Variants in LAMTOR2 observed in about 807,000 individuals in gnomAD.
LAMTOR2 encodes the protein ragulator complex protein LAMTOR2.
In LAMTOR2, 4 loss-of-function variants were observed where a neutral mutation model predicts 15.8. The ratio of observed to expected loss-of-function variants is 0.25; its 90% confidence interval spans 0.12 to 0.58. The LOEUF is 0.58. Among genes scored for constraint, LAMTOR2 ranks in the 20% least tolerant of loss-of-function variants. The pLI is 0.91. For synonymous variants in LAMTOR2, 62 were observed against 64.1 expected, an observed-to-expected ratio of 0.97 and a Z score of 0.15; for missense variants, 100 against 161.0, an observed-to-expected ratio of 0.62 and a Z score of 2.05.
chr1:156,056,476 G>A (rs1647369145), intron 2 of LAMTOR2, among the ~76,000 whole-genome samples: 1 of 152,158 alleles, frequency 6.6e-6, no homozygotes, highest in South Asian at 2.1e-4. Context: ...CAAGCCATGT[G>A]GTTATCTGAG....
chr1:156,055,503 GTTGGAGGGGCAGGGACA>G lies in LAMTOR2; in HGVS notation c.231+79_231+95del. On this transcript the variant is annotated intron_variant, in intron 2 of 3. Transcript: ENST00000368305. This position sits in a 1 kb window ranked among gnomAD's most constrained non-coding sequence, Gnocchi z 4.8. ...GGCGACCTGGACCCCATCCTGGATG[GTTGGAGGGGCAGGGACA>G]GGATCTCCGGAAGATTACTAAGAGT... 1.9e-6 allele frequency: 3 copies of G among 1,545,278 alleles called. No homozygotes were observed. Among genetic ancestry groups the G allele is most frequent in the Non-Finnish European group, 2.7e-6 (3 of 1,119,914 alleles).
Position 156,055,462 on chromosome 1 carries a change from A to G in LAMTOR2, c.231+37A>G. ...GGAGCCAGACTTCCCCTGTCCCCCA[A>G]AGGGGATCCCAAGGGGGCGACCTGG... On this transcript the variant is annotated intron_variant, in intron 2 of 3. Transcript: ENST00000368305. This position sits in a 1 kb window ranked among gnomAD's most constrained non-coding sequence, Gnocchi z 4.8. 9.3e-6 allele frequency: 15 copies of G among 1,612,230 alleles called. No individual in the cohort carries two copies. The highest frequency in any genetic ancestry group is 1.1e-5 in the Non-Finnish European group (13 of 1,178,476).
chr1:156,058,342 G>A lies in LAMTOR2; in HGVS notation c.349G>A (p.Glu117Lys). The A allele has an allele frequency of 6.2e-7, 1 of 1,614,094 alleles. No individual in the cohort carries two copies. Among genetic ancestry groups the A allele is most frequent in the Non-Finnish European group, 8.5e-7 (1 of 1,180,010 alleles). The change falls in exon 4 of 4, where the codon GAG becomes AAG. Residue 117 changes from glutamate to lysine, a missense_variant. Physicochemically the swap from Glu to Lys is moderately conservative, Grantham distance 56 (BLOSUM62 1). Transcript: ENST00000368305. ...KAQALVQYLE[E>K]PLTQVAAS The stretch of plus-strand genomic sequence containing the variant: ...CCAGGCTTTGGTGCAGTACCTGGAG[G>A]AGCCCCTCACCCAAGTGGCGGCATC...
At chr1:156,058,108 T>A in intron 3 of LAMTOR2, 41 bp downstream of exon 3, 1 of 1,590,688 alleles carries the variant, frequency 6.3e-7, no homozygotes, top group South Asian at 1.1e-5. Context: ...GGGCCCAGCC[T>A]TCGTGCTTCT....
intron 2 of LAMTOR2, among the ~76,000 whole-genome samples, chr1:156,057,273 A>G (rs552051415): frequency 6.6e-6 from 1 of 151,866 alleles, no homozygotes; most frequent in African/African-American, 2.4e-5. Flanking sequence ...CTGGAGGATT[A>G]TCTGAGGCCA....
chr1:156,058,207 G>T, intron 3 of LAMTOR2, 108 bp from the exon 4 acceptor site: 1 of 1,525,034 alleles, frequency 6.6e-7, no homozygotes. Context: ...CCCAAGAGCA[G>T]GTGGGGGTTG....
In LAMTOR2 at chr1:156,055,043, A is replaced by T. The variant is rs371745826; in HGVS notation, c.68+86A>T. 4.1e-6 allele frequency: 6 copies of T among 1,468,064 alleles called. No individual in the cohort carries two copies. The highest frequency in any genetic ancestry group is 2.8e-5 in the African/African-American group (2 of 71,716). 90.9% of individuals were successfully genotyped at this position (1,468,064 alleles called of 1,614,324 possible). ...GAGGGAGGGGTGGGGAAGGATCACCAGGAAGGGAGGAAGCGGCAGAGGGGG... is the reference window on the plus strand; with the variant it reads ...GAGGGAGGGGTGGGGAAGGATCACCTGGAAGGGAGGAAGCGGCAGAGGGGG... On this transcript the variant is annotated intron_variant, in intron 1 of 3. Coordinates refer to ENST00000368305, the MANE Select transcript of LAMTOR2 (RefSeq NM_014017.4). This position sits in a 1 kb window ranked among gnomAD's most constrained non-coding sequence, Gnocchi z 4.8.
At chr1:156,056,291 T>G (rs1647362931) in intron 2 of LAMTOR2, among the ~76,000 whole-genome samples, 1 of 152,200 alleles carries the variant, frequency 6.6e-6, no homozygotes, top group African/African-American at 2.4e-5. Flanking sequence ...CGTGAGTCAC[T>G]GTGCCTGGCC....
Position 156,055,090 on chromosome 1 carries a change from G to A in LAMTOR2, c.68+133G>A. 2.2e-6 allele frequency: 3 copies of A among 1,352,304 alleles called. No homozygotes were observed. The highest frequency in any genetic ancestry group is 3.2e-6 in the Non-Finnish European group (3 of 949,268). The allele number at this position is 1,352,304 out of a possible 1,614,324, so 83.8% of individuals were successfully genotyped here. A position where few individuals can be genotyped will look rare whatever the true frequency, so the allele number is the denominator to read the frequency against. On this transcript the variant is annotated intron_variant, in intron 1 of 3. Transcript: ENST00000368305. This position sits in a 1 kb window ranked among gnomAD's most constrained non-coding sequence, Gnocchi z 4.8. ...GGGGCAGCGGCTGGGGATACCGGCC[G>A]GGAGGTCCCCTGTCGAAAAGGGAAG...
chr1:156,055,254 C>CCT lies in LAMTOR2; in HGVS notation c.69-7_69-6dup, dbSNP rs1410363793. On this transcript the variant is annotated splice_polypyrimidine_tract_variant and intron_variant, in intron 1 of 3. Transcript: ENST00000368305. This position sits in a 1 kb window ranked among gnomAD's most constrained non-coding sequence, Gnocchi z 4.8. ...GAGCACATCGCTATCCCTCCCCGCC[C>CCT]CTCACCAGGCTGCTGAATAACGAGG... 1.2e-6 allele frequency: 2 copies of CCT among 1,613,624 alleles called. No homozygotes were observed. The highest frequency in any genetic ancestry group is 2.7e-5 in the African/African-American group (2 of 74,926).
In LAMTOR2 at chr1:156,058,353, C is replaced by T. The variant is rs760329495; in HGVS notation, c.360C>T (p.Thr120=). The T allele has an allele frequency of 3.7e-6, 6 of 1,614,022 alleles. No individual in the cohort carries two copies. The African/African-American group carries it at 8.0e-5, about 22-fold the overall frequency. The change falls in exon 4 of 4, where the codon ACC becomes ACT. Residue 120 remains threonine (T), a synonymous_variant. Transcript: ENST00000368305. Reference sequence around the variant, plus strand: ...TGCAGTACCTGGAGGAGCCCCTCACCCAAGTGGCGGCATCTTAACGGCATT... The same window carrying T: ...TGCAGTACCTGGAGGAGCCCCTCACTCAAGTGGCGGCATCTTAACGGCATT... The part of the protein sequence containing the change: ...ALVQYLEEPL[T]QVAAS
intron 2 of LAMTOR2, 23 bp from the exon 3 acceptor site, chr1:156,057,955 T>A: frequency 6.2e-7 from 1 of 1,610,492 alleles, no homozygotes; most frequent in South Asian, 1.1e-5. Flanking sequence ...GAACATCACA[T>A]CCCATCATAT....
rs763102917 is a variant in LAMTOR2, at chr1:156,058,317, C to T, written c.324C>T (p.Ala108=). The change falls in exon 4 of 4, where the codon GCC becomes GCT. Residue 108 remains alanine, a splice_region_variant and synonymous_variant. Transcript: ENST00000368305. The part of the protein sequence containing the change: ...TVGFGMLKAK[A]QALVQYLEEP... ...TGATCTCTGTTCTCCCTCTGCAGGC[C>T]CAGGCTTTGGTGCAGTACCTGGAGG... 2.5e-6 allele frequency: 4 copies of T among 1,614,098 alleles called. No homozygotes were observed. Among genetic ancestry groups the T allele is most frequent in the Non-Finnish European group, 3.4e-6 (4 of 1,180,006 alleles).
intron 2 of LAMTOR2, among the ~76,000 whole-genome samples, chr1:156,057,219 A>C (rs1282594907): frequency 6.6e-6 from 1 of 151,236 alleles, no homozygotes; most frequent in Non-Finnish European, 1.5e-5. Context: ...AAGGCTGAGC[A>C]CAGTGCCTCA....
rs1018618322 is a variant in LAMTOR2, at chr1:156,055,174, G to A, written c.69-89G>A. 11 of 1,559,128 alleles carry A rather than the reference G, an allele frequency of 7.1e-6. No individual in the cohort carries two copies. Among genetic ancestry groups the A allele is most frequent in the Non-Finnish European group, 9.7e-6 (11 of 1,137,332 alleles). ...ACACGCTCAGGCCAGAGCCTTGCTG[G>A]ATGTGCCCTTGGTGGGACTTGGGAT... On this transcript the variant is annotated intron_variant, in intron 1 of 3. Transcript: ENST00000368305. The surrounding 1 kb of genome is among the most constrained non-coding windows in gnomAD (Gnocchi z 4.8).
In LAMTOR2 at chr1:156,054,967, G is replaced by C. The variant is rs1198077290; in HGVS notation, c.68+10G>C. On this transcript the variant is annotated intron_variant, in intron 1 of 3. Transcript: ENST00000368305. Reference sequence around the variant, plus strand: ...GCGTCCAGAGCACCCTGTGAGTGCAGACCACGGACCCGAGCGGCGAGCGCT... The same window carrying C: ...GCGTCCAGAGCACCCTGTGAGTGCACACCACGGACCCGAGCGGCGAGCGCT... 6.2e-7 allele frequency: 1 copy of C among 1,610,688 alleles called. No homozygotes were observed. Among genetic ancestry groups the C allele is most frequent in the Non-Finnish European group, 8.5e-7 (1 of 1,179,120 alleles).
rs2102763397 is a variant in LAMTOR2, at chr1:156,055,022, G to A, written c.68+65G>A. 1 of 1,539,324 alleles carries A rather than the reference G, an allele frequency of 6.5e-7. No individual in the cohort carries two copies. Among genetic ancestry groups the A allele is most frequent in the East Asian group, 2.3e-5 (1 of 43,310 alleles). On this transcript the variant is annotated intron_variant, in intron 1 of 3. Coordinates refer to ENST00000368305, the MANE Select transcript of LAMTOR2 (RefSeq NM_014017.4). The surrounding 1 kb of genome is among the most constrained non-coding windows in gnomAD (Gnocchi z 4.8). ...TGGGGCGGCGCGCGGCTCCCTGAGG[G>A]AGGGGTGGGGAAGGATCACCAGGAA...
In LAMTOR2 at chr1:156,055,060, C is replaced by T; in HGVS notation, c.68+103C>T. 2 of 1,413,260 alleles carry T rather than the reference C, an allele frequency of 1.4e-6. No individual in the cohort carries two copies. Among genetic ancestry groups the T allele is most frequent in the Non-Finnish European group, 2.0e-6 (2 of 1,007,952 alleles). The allele number at this position is 1,413,260 out of a possible 1,614,324, so 87.5% of individuals were successfully genotyped here. Reference sequence around the variant, plus strand: ...GGATCACCAGGAAGGGAGGAAGCGGCAGAGGGGGCAGCGGCTGGGGATACC... The same window carrying T: ...GGATCACCAGGAAGGGAGGAAGCGGTAGAGGGGGCAGCGGCTGGGGATACC... On this transcript the variant is annotated intron_variant, in intron 1 of 3. Coordinates refer to ENST00000368305, the MANE Select transcript of LAMTOR2 (RefSeq NM_014017.4). This position sits in a 1 kb window ranked among gnomAD's most constrained non-coding sequence, Gnocchi z 4.8.
Position 156,055,135 on chromosome 1 carries a change from G to T in LAMTOR2, c.69-128G>T. 7.0e-7 allele frequency: 1 copy of T among 1,431,894 alleles called. No individual in the cohort carries two copies. The highest frequency in any genetic ancestry group is 9.8e-7 in the Non-Finnish European group (1 of 1,024,480). The allele number at this position is 1,431,894 out of a possible 1,614,324, so 88.7% of individuals were successfully genotyped here. On this transcript the variant is annotated intron_variant, in intron 1 of 3. Coordinates refer to ENST00000368305, the MANE Select transcript of LAMTOR2 (RefSeq NM_014017.4). This position sits in a 1 kb window ranked among gnomAD's most constrained non-coding sequence, Gnocchi z 4.8. ...GGGAAGCCGGTGTGCTGGGTGCTTA[G>T]GGCATGTTCCGGGACACGCTCAGGC...
Sources: gnomAD v4.1 joint callset for allele counts (sites outside exome capture counted in the v4.1 genomes callset) on GRCh38, gnomAD v4.1.1 for gene constraint, Gnocchi (gnomAD v3.1) non-coding constraint, MANE v1.5 for transcripts, NCBI Gene and HGNC (gene_info 2026-07-23, HGNC 2026-07-21) for gene names.